Variants in AZI2 observed in about 807,000 individuals in gnomAD.
The protein encoded by AZI2 is 5-azacytidine-induced protein 2.
In AZI2, 22 loss-of-function variants were observed where a neutral mutation model predicts 45.8. The ratio of observed to expected loss-of-function variants is 0.48; its 90% CI spans 0.34 to 0.69. AZI2 has a LOEUF of 0.69. Among genes scored for constraint, AZI2 ranks in the 30% least tolerant of loss-of-function variants. The pLI, the probability that AZI2 is intolerant of heterozygous loss-of-function variation, is 0.01. For synonymous variants in AZI2, 137 were observed against 156.7 expected (o/e 0.87, Z 0.94); for missense variants, 417 against 441.5 (o/e 0.94, Z 0.50).
chr3:28,324,393 C>T lies in AZI2; in HGVS notation c.828G>A (p.Met276Ile), dbSNP rs772925245. The T allele has an allele frequency of 6.4e-7, 1 of 1,556,172 alleles. No individual in the cohort carries two copies. Among genetic ancestry groups the T allele is most frequent in the East Asian group, 2.3e-5 (1 of 44,356 alleles). Residue 276 changes from methionine to isoleucine, a missense_variant, in exon 8 of 8, where the codon ATG becomes ATA. Physicochemically the swap from Met to Ile is conservative, Grantham distance 10. Coordinates refer to ENST00000479665, the MANE Select transcript of AZI2 (RefSeq NM_022461.5). ...LGRDSTKLHL[M>I]NFTATYTRHP... ...GTCTTGTGTATGTTGCAGTAAAATTCATCAAGTGCAGTTTTGTGCTGTCTC... is the reference window on the plus strand; with the variant it reads ...GTCTTGTGTATGTTGCAGTAAAATTTATCAAGTGCAGTTTTGTGCTGTCTC...
chr3:28,329,369 A>G (rs999831184), intron 6 of AZI2, among the ~76,000 whole-genome samples: 39 of 151,044 alleles, frequency 2.6e-4, no homozygotes, highest in Non-Finnish European at 5.5e-4. Context: ...AACATTTTTG[A>G]TATCATCATC....
In AZI2 at chr3:28,336,870, T is replaced by C; in HGVS notation, c.455A>G (p.Asn152Ser). ...VETQQVMRNLNPPSSNWEVEK... is the reference protein window; with the variant it reads ...VETQQVMRNLSPPSSNWEVEK... ...CACCTCCCAGTTTGATGAAGGTGGATTTAAATTCCTCATCACTACAAAAAG... is the reference window on the plus strand; with the variant it reads ...CACCTCCCAGTTTGATGAAGGTGGACTTAAATTCCTCATCACTACAAAAAG... Residue 152 changes from asparagine (N) to serine (S), a missense_variant, in exon 5 of 8, where the codon AAT (asparagine) becomes AGT (serine). Coordinates refer to ENST00000479665, the MANE Select transcript of AZI2 (RefSeq NM_022461.5). The C allele has an allele frequency of 1.2e-6, 2 of 1,613,036 alleles. No individual in the cohort carries two copies. Among genetic ancestry groups the C allele is most frequent in the Non-Finnish European group, 1.7e-6 (2 of 1,179,434 alleles).
intron 1 of AZI2, chr3:28,341,518 T>C (rs1704016374): frequency 6.6e-6 from 1 of 152,096 alleles, no homozygotes; most frequent in African/African-American, 2.4e-5. Flanking sequence ...TTACCTTCAT[T>C]GTTTAACGAA....
In AZI2 at chr3:28,323,123, T is replaced by TA. The variant is rs1312050235; in HGVS notation, c.*918dup. 12 of 151,272 alleles carry TA rather than the reference T, an allele frequency of 7.9e-5. No homozygotes were observed. The East Asian group carries it at 2.3e-3, about 29-fold the overall frequency. 9.4% of individuals were successfully genotyped at this position (151,272 alleles called of 1,614,324 possible). On this transcript the variant is annotated 3_prime_UTR_variant, in exon 8 of 8. Coordinates refer to ENST00000479665, the MANE Select transcript of AZI2 (RefSeq NM_022461.5). ...ATCACTTTCTCAATAAATAGAATAT[T>TA]ACATTTCAACACAAAGTCTAACAAT...
rs192006055 is a variant in AZI2, at chr3:28,336,856, T to C, written c.469A>G (p.Asn157Asp). 1.0e-4 allele frequency: 162 copies of C among 1,613,246 alleles called. No individual in the cohort carries two copies. The highest frequency in any genetic ancestry group is 1.2e-4 in the Non-Finnish European group (145 of 1,179,512). Residue 157 changes from asparagine to aspartate, a missense_variant, in exon 5 of 8, where the codon AAC (asparagine) becomes GAC (aspartate). Physicochemically the swap from Asn to Asp is conservative, Grantham distance 23. Coordinates refer to ENST00000479665, the MANE Select transcript of AZI2 (RefSeq NM_022461.5). ...VMRNLNPPSS[N>D]WEVEKLSCDL... The stretch of plus-strand genomic sequence containing the variant: ...CAGCTCAACTTTTCCACCTCCCAGT[T>C]TGATGAAGGTGGATTTAAATTCCTC...
intron 7 of AZI2, chr3:28,326,371 A>G (rs1167242654): frequency 6.3e-6 from 1 of 158,698 alleles, no homozygotes; most frequent in Non-Finnish European, 1.4e-5. Flanking sequence ...AGAAAAGCTT[A>G]TAAGAAATGC....
intron 6 of AZI2, among the ~76,000 whole-genome samples, chr3:28,329,042 T>C (rs1703486319): frequency 6.6e-6 from 1 of 151,250 alleles, no homozygotes; most frequent in Non-Finnish European, 1.5e-5. Flanking sequence ...TTGCTTTAAA[T>C]GCCACACAAG....
In AZI2 at chr3:28,324,322, G is replaced by A. The variant is rs1180841579; in HGVS notation, c.899C>T (p.Ser300Phe). ...PNGKALCHTT[S>F]SPLPGDVKVL... ...CTTTACATCTCCTGGTAAAGGGGAA[G>A]ATGTGGTATGACAAAGAGCTTTGCC... Residue 300 changes from serine (S) to phenylalanine (F), a missense_variant, in exon 8 of 8, where the codon TCT (serine) becomes TTT (phenylalanine). Coordinates refer to ENST00000479665, the MANE Select transcript of AZI2 (RefSeq NM_022461.5). The A allele has an allele frequency of 1.2e-6, 2 of 1,605,972 alleles. No homozygotes were observed. Among genetic ancestry groups the A allele is most frequent in the Non-Finnish European group, 8.5e-7 (1 of 1,175,016 alleles).
rs114257077 is a variant in AZI2, at chr3:28,333,362, G to T, written c.589-935C>A. 5.1e-3 allele frequency among the ~76,000 whole-genome samples: 775 copies of T among 151,690 alleles called. 7 individuals are homozygous for T. The highest frequency in any genetic ancestry group is 0.018 in the African/African-American group (747 of 41,426). On this transcript the variant is annotated intron_variant, in intron 5 of 7. Coordinates refer to ENST00000479665, the MANE Select transcript of AZI2 (RefSeq NM_022461.5). The stretch of plus-strand genomic sequence containing the variant: ...AAGTTAAATCTTAGGGAGCCCTAAG[G>T]AGAGGGGAAACAGAACTGGCCCACA...
chr3:28,322,762 G>T lies in AZI2; in HGVS notation c.*1280C>A, dbSNP rs1375168473. On this transcript the variant is annotated 3_prime_UTR_variant, in exon 8 of 8. Transcript: ENST00000479665. The stretch of plus-strand genomic sequence containing the variant: ...AAGCTTGAATAAGTGTAAGATAATA[G>T]AAAAAAATATCTAGTGAATGGCGAA... The T allele has an allele frequency of 6.6e-6, 1 of 151,364 alleles. No homozygotes were observed. Among genetic ancestry groups the T allele is most frequent in the African/African-American group, 2.4e-5 (1 of 41,258 alleles). 9.4% of individuals were successfully genotyped at this position (151,364 alleles called of 1,614,324 possible).
At position 28,326,821 on chromosome 3, in the gene AZI2, C is replaced by G. The variant is rs1703408213; in HGVS notation, c.766+11G>C. The G allele has an allele frequency of 6.3e-7, 1 of 1,587,184 alleles. No homozygotes were observed. Among genetic ancestry groups the G allele is most frequent in the Non-Finnish European group, 8.6e-7 (1 of 1,156,676 alleles). ...GCTGGAATCAGTGGTTTCCGGTAAA[C>G]AGTGACTTGCCTTTCTTGATTGCAG... On this transcript the variant is annotated intron_variant, in intron 7 of 7. Coordinates refer to ENST00000479665, the MANE Select transcript of AZI2 (RefSeq NM_022461.5).
At chr3:28,337,702 C>A (rs184558206) in intron 4 of AZI2, among the ~76,000 whole-genome samples, 22 of 152,204 alleles carry the variant, frequency 1.4e-4, no homozygotes, top group Non-Finnish European at 3.1e-4. Context: ...TCATCACAAC[C>A]TAGACCTGAA....
chr3:28,336,102 C>G (rs1479743947), intron 5 of AZI2, among the ~76,000 whole-genome samples: 1 of 152,034 alleles, frequency 6.6e-6, no homozygotes, highest in African/African-American at 2.4e-5. Flanking sequence ...ATGTAAAATA[C>G]TGGGCAAACA....
intron 1 of AZI2, among the ~76,000 whole-genome samples, chr3:28,340,828 CAAGA>C (rs1477625052): frequency 6.6e-6 from 1 of 151,902 alleles, no homozygotes; most frequent in African/African-American, 2.4e-5. Context: ...TTATAAAGTA[CAAGA>C]AATAACAGCA....
Position 28,326,945 on chromosome 3 carries a change from T to G in AZI2, c.653A>C (p.Asn218Thr). 6.3e-7 allele frequency: 1 copy of G among 1,598,592 alleles called. No individual in the cohort carries two copies. Among genetic ancestry groups the G allele is most frequent in the Non-Finnish European group, 8.6e-7 (1 of 1,169,074 alleles). ...CAGTTCCCAGTATGCATGCTGCATA[T>G]TATCACTGAAATAAATTTTTTTACA... is the stretch of plus-strand genomic sequence containing the variant. ...DLQKLSISSD[N>T]MQHAYWELKR... The change falls in exon 7 of 8, where the codon AAT (asparagine) becomes ACT (threonine). Residue 218 changes from asparagine (N) to threonine (T), a missense_variant. By Grantham distance (65) the Asn-to-Thr change is moderately conservative. Coordinates refer to ENST00000479665, the MANE Select transcript of AZI2 (RefSeq NM_022461.5).
intron 2 of AZI2, 86 bp downstream of exon 2, chr3:28,340,316 G>C: frequency 1.1e-6 from 1 of 921,846 alleles, no homozygotes; most frequent in South Asian, 1.8e-5. Context: ...AATCATGGAA[G>C]ACAGGACAAA....
intron 6 of AZI2, chr3:28,331,758 A>G (rs1321092288): frequency 1.4e-6 from 2 of 1,461,550 alleles, no homozygotes; most frequent in Non-Finnish European, 1.8e-6. Context: ...AGTAGAAACA[A>G]CAATTATTAG....
At chr3:28,345,042 G>A (rs1429584069) in intron 1 of AZI2, among the ~76,000 whole-genome samples, 3 of 152,040 alleles carry the variant, frequency 2.0e-5, no homozygotes, top group African/African-American at 7.2e-5. Flanking sequence ...GATGACTGAG[G>A]GCAGTGTTTG....
At chr3:28,331,060 T>C (rs556040240) in intron 6 of AZI2, among the ~76,000 whole-genome samples, 1 of 151,412 alleles carries the variant, frequency 6.6e-6, no homozygotes, top group East Asian at 1.9e-4. Context: ...TTCAAACAGG[T>C]ATTTTCTGGG....
Sources: allele counts gnomAD v4.1 joint callset (sites outside exome capture counted in the v4.1 genomes callset), GRCh38; gene constraint gnomAD v4.1.1; transcripts MANE v1.5; gene names NCBI Gene and HGNC (gene_info 2026-07-23, HGNC 2026-07-21).